The following GPHN variants were observed in gnomAD, a reference collection of about 807,000 sequenced individuals.
The protein encoded by GPHN is gephyrin.
In GPHN, 17 loss-of-function variants were observed where a neutral mutation model predicts 95.5. The ratio of observed to expected loss-of-function variants is 0.18; its 90% CI spans 0.12 to 0.27. GPHN has a LOEUF of 0.27. Ranked by LOEUF, GPHN falls within the 10% of genes least tolerant of loss-of-function variation. GPHN has a pLI of 1.00. For missense variants in GPHN, 660 were observed against 978.1 expected (o/e 0.67, Z 4.34); for synonymous variants, 320 against 322.5 (o/e 0.99, Z 0.08).
the GPHN span, among the ~76,000 whole-genome samples, chr14:67,305,862 T>C: frequency 6.6e-6 from 1 of 152,216 alleles, no homozygotes; most frequent in Non-Finnish European, 1.5e-5. Context: ...CAAAGGAATA[T>C]AGGTTCATGG....
At chr14:67,670,051 T>C in the GPHN span, among the ~76,000 whole-genome samples, 1 of 152,142 alleles carries the variant, frequency 6.6e-6, no homozygotes, top group Non-Finnish European at 1.5e-5. Context: ...GCAGTGATGG[T>C]GCCACTGCAC....
chr14:66,686,331 T>C (rs900063822), intron 2 of GPHN, among the ~76,000 whole-genome samples: 1 of 152,236 alleles, frequency 6.6e-6, no homozygotes, highest in Non-Finnish European at 1.5e-5. Context: ...ATAAATTACC[T>C]TGGGCAGTAT....
At chr14:67,484,387 T>C in the GPHN span, among the ~76,000 whole-genome samples, 10 of 152,222 alleles carry the variant, frequency 6.6e-5, no homozygotes, top group Admixed American at 4.6e-4. Flanking sequence ...GCTGCCTCGG[T>C]CTCTCTTCCC....
chr14:66,761,803 G>A (rs190293459), intron 2 of GPHN, among the ~76,000 whole-genome samples: 10 of 152,080 alleles, frequency 6.6e-5, no homozygotes, highest in Admixed American at 5.2e-4. Flanking sequence ...GGGACTACAG[G>A]CACCCACCAC....
chr14:66,695,941 T>C (rs1477107026), intron 2 of GPHN, among the ~76,000 whole-genome samples: 2 of 152,166 alleles, frequency 1.3e-5, no homozygotes, highest in African/African-American at 2.4e-5. Context: ...AAACATGTTA[T>C]GATGCATTGT....
chr14:66,757,346 GCA>G (rs747764907), intron 2 of GPHN, among the ~76,000 whole-genome samples: 3 of 112,334 alleles, frequency 2.7e-5, no homozygotes, highest in African/African-American at 5.6e-5. Context: ...ATATATACAC[GCA>G]CACACACACA....
At chr14:67,713,706 A>G in the GPHN span, among the ~76,000 whole-genome samples, 1 of 152,214 alleles carries the variant, frequency 6.6e-6, no homozygotes. Context: ...GCGCGTACCC[A>G]AGACACAGCC....
At chr14:66,520,191 A>G (rs1254359120) in intron 1 of GPHN, among the ~76,000 whole-genome samples, 1 of 152,184 alleles carries the variant, frequency 6.6e-6, no homozygotes, top group African/African-American at 2.4e-5. Context: ...TACATTTATC[A>G]TTACAAGTTT....
the GPHN span, chr14:67,646,560 T>C: frequency 1.4e-4 from 159 of 1,104,060 alleles, no homozygotes; most frequent in African/African-American, 9.9e-4. Flanking sequence ...AGAAAGCAGA[T>C]TGCATACCCA....
chr14:67,414,484 C>T, the GPHN span, among the ~76,000 whole-genome samples: 2,862 of 152,296 alleles, frequency 0.019, 91 homozygotes, highest in African/African-American at 0.065. Context: ...GGGGCAGGGA[C>T]GAGCAAGAAG....
Position 66,526,022 on chromosome 14 carries a change from TAAAG to T in GPHN, c.64+17436_64+17439del, listed in dbSNP as rs369173648. Among the ~76,000 whole-genome samples, 980 of 152,146 alleles carry T rather than the reference TAAAG, an allele frequency of 6.4e-3. 14 individuals carry two copies. Among genetic ancestry groups the T allele is most frequent in the African/African-American group, 0.022 (933 of 41,504 alleles). Reference sequence around the variant, plus strand: ...AGTAGTTTTTTTTTTTTTAATTCTGTAAAGAAAGTCAATGGTAGCTTGATGAGGA... The same window carrying T: ...AGTAGTTTTTTTTTTTTTAATTCTGTAAAGTCAATGGTAGCTTGATGAGGA... On this transcript the variant is annotated intron_variant, in intron 1 of 22. Transcript: ENST00000478722.
the GPHN span, chr14:67,385,960 A>G: frequency 6.6e-6 from 1 of 152,050 alleles, no homozygotes. Flanking sequence ...AGATTTTTTT[A>G]AAAATACAAA....
intron 4 of GPHN, among the ~76,000 whole-genome samples, chr14:66,841,520 A>G (rs931863500): frequency 6.6e-6 from 1 of 152,200 alleles, no homozygotes; most frequent in Non-Finnish European, 1.5e-5. Context: ...GATTACTGAT[A>G]TATTTTGAAG....
At chr14:67,688,600 T>C in the GPHN span, among the ~76,000 whole-genome samples, 66 of 146,398 alleles carry the variant, frequency 4.5e-4, 2 homozygotes, top group African/African-American at 1.6e-3. Flanking sequence ...TTTGAACTCT[T>C]TTTTTTTTTT....
At chr14:66,906,608 G>T (rs558218076) in intron 5 of GPHN, among the ~76,000 whole-genome samples, 48 of 152,280 alleles carry the variant, frequency 3.2e-4, no homozygotes, top group African/African-American at 1.2e-3. Flanking sequence ...GATATTTCTA[G>T]TGATATTCTC....
Position 67,113,159 on chromosome 14 carries a change from A to T in GPHN, c.1614A>T (p.Ser538=). 1.9e-6 allele frequency: 3 copies of T among 1,613,748 alleles called. No homozygotes were observed. The highest frequency in any genetic ancestry group is 2.5e-6 in the Non-Finnish European group (3 of 1,179,658). ...VNKFPVVAVM[S]TGNELLNPED... ...AGTTTCCAGTGGTTGCAGTCATGTC[A>T]ACAGGGAATGAGGTATTAAAAATAA... Residue 538 remains serine (S), a synonymous_variant, in exon 16 of 23, where the codon TCA becomes TCT. Coordinates refer to ENST00000478722, the MANE Select transcript of GPHN (RefSeq NM_020806.5).
the GPHN span, among the ~76,000 whole-genome samples, chr14:67,652,947 G>A: frequency 6.6e-6 from 1 of 152,014 alleles, no homozygotes. Flanking sequence ...CCGCCACTAC[G>A]CCTGGCTAAT....
At chr14:67,561,826 C>A in the GPHN span, 1 of 692,630 alleles carries the variant, frequency 1.4e-6, no homozygotes, top group Non-Finnish European at 2.4e-6. Context: ...GCCAAAATTG[C>A]TCCACTGCAA....
At chr14:67,376,098 CTTGTAT>C in the GPHN span, among the ~76,000 whole-genome samples, 3 of 152,106 alleles carry the variant, frequency 2.0e-5, no homozygotes, top group African/African-American at 7.2e-5. Context: ...ATAATAACAA[CTTGTAT>C]TTGTATAGCC....
Sources: gnomAD v4.1 joint callset for allele counts (sites outside exome capture counted in the v4.1 genomes callset) on GRCh38, gnomAD v4.1.1 for gene constraint, MANE v1.5 for transcripts, NCBI Gene and HGNC (gene_info 2026-07-23, HGNC 2026-07-21) for gene names.